The following SOS1 variants were observed in gnomAD, a reference collection of about 807,000 sequenced individuals.
The protein encoded by SOS1 is SOS Ras/Rac guanine nucleotide exchange factor 1, also known as son of sevenless homolog 1.
Under a neutral mutation model 157.6 loss-of-function variants are expected in SOS1, and 25 were observed. That is an observed-to-expected ratio of 0.16 (90% CI 0.12 to 0.22). SOS1 has a LOEUF of 0.22. SOS1 is among the 10% of genes least tolerant of loss of function. SOS1 has a pLI of 1.00. For missense variants in SOS1, 1,237 were observed against 1,599.1 expected, an observed-to-expected ratio of 0.77 and a Z score of 3.86; for synonymous variants, 528 against 534.0, an observed-to-expected ratio of 0.99 and a Z score of 0.16.
chr2:39,069,600 T>TG (rs1045895041), intron 1 of SOS1, among the ~76,000 whole-genome samples: 1 of 151,910 alleles, frequency 6.6e-6, no homozygotes, highest in Non-Finnish European at 1.5e-5. Context: ...CAGGCTGGAG[T>TG]GCAGTGGTGT....
chr2:39,106,553 T>G (rs1193944710), intron 1 of SOS1, among the ~76,000 whole-genome samples: 1 of 139,498 alleles, frequency 7.2e-6, no homozygotes, highest in Non-Finnish European at 1.5e-5. Context: ...ATCCCGCCAC[T>G]GCACTCCAGC....
At chr2:39,094,976 C>A (rs899857702) in intron 1 of SOS1, among the ~76,000 whole-genome samples, 1 of 152,112 alleles carries the variant, frequency 6.6e-6, no homozygotes, top group East Asian at 1.9e-4. Flanking sequence ...CACTGAGCCA[C>A]AATATATAAT....
chr2:39,069,396 A>G (rs1302569976), intron 1 of SOS1, among the ~76,000 whole-genome samples: 1 of 151,904 alleles, frequency 6.6e-6, no homozygotes, highest in Non-Finnish European at 1.5e-5. Flanking sequence ...ACAATAAAAG[A>G]TAGTATCCTA....
In SOS1 at chr2:39,021,499, G is replaced by T. The variant is rs1012224058; in HGVS notation, c.1858+1071C>A. Among the ~76,000 whole-genome samples the T allele has an allele frequency of 4.7e-5, 6 of 128,010 alleles. No individual in the cohort carries two copies. The East Asian group carries it at 1.5e-3, about 31-fold the overall frequency. The allele number at this position is 128,010 out of a possible 152,430, so 84.0% of individuals were successfully genotyped here. Reference sequence around the variant, plus strand: ...TGACTTGTGACAGTAAACACTAGTAGTAAGTCTTCTTACAATGCTCTACAG... The same window carrying T: ...TGACTTGTGACAGTAAACACTAGTATTAAGTCTTCTTACAATGCTCTACAG... On this transcript the variant is annotated intron_variant, in intron 10 of 22. Transcript: ENST00000402219.
intron 8 of SOS1, among the ~76,000 whole-genome samples, chr2:39,030,033 G>A (rs947841172): frequency 9.2e-5 from 14 of 151,770 alleles, no homozygotes; most frequent in Admixed American, 4.6e-4. Flanking sequence ...TTAGCCAGGC[G>A]TGGTGGCATG....
intron 1 of SOS1, among the ~76,000 whole-genome samples, chr2:39,088,523 T>C (rs1672463123): frequency 6.6e-6 from 1 of 152,158 alleles, no homozygotes; most frequent in African/African-American, 2.4e-5. Flanking sequence ...ACCATTCTAC[T>C]TTCTGTCTCT....
intron 12 of SOS1, 149 bp downstream of exon 12, chr2:39,013,718 T>A: frequency 1.1e-6 from 1 of 886,120 alleles, no homozygotes; most frequent in Non-Finnish European, 1.9e-6. Flanking sequence ...AGGCTTATAC[T>A]ATAATTTCTG....
At position 39,033,792 on chromosome 2, in the gene SOS1, C is replaced by G. The variant is rs930331364; in HGVS notation, c.1074+1420G>C. ...GCTCAAGCAATCCTCCTGTCTTAGC[C>G]TCCCAAAGTGCTGGAACTACAGGCG... is the stretch of plus-strand genomic sequence containing the variant. On this transcript the variant is annotated intron_variant, in intron 8 of 22. Transcript: ENST00000402219. Among the ~76,000 whole-genome samples, 4 of 152,206 alleles carry G rather than the reference C, an allele frequency of 2.6e-5. No homozygotes were observed. In the East Asian group the frequency reaches 5.8e-4, roughly 22 times the overall value.
intron 6 of SOS1, among the ~76,000 whole-genome samples, chr2:39,050,402 C>T (rs1486244572): frequency 1.3e-5 from 2 of 152,096 alleles, no homozygotes; most frequent in Non-Finnish European, 1.5e-5. Flanking sequence ...TAATAATGCA[C>T]TTATCACATA....
At chr2:39,018,305 T>C (rs538522864) in intron 10 of SOS1, among the ~76,000 whole-genome samples, 1 of 151,980 alleles carries the variant, frequency 6.6e-6, no homozygotes, top group South Asian at 2.1e-4. Flanking sequence ...CAACCAAAAC[T>C]TTTTCTACAG....
intron 2 of SOS1, among the ~76,000 whole-genome samples, 195 bp from the exon 3 acceptor site, chr2:39,058,999 C>T (rs1037411926): frequency 6.6e-6 from 1 of 152,014 alleles, no homozygotes; most frequent in African/African-American, 2.4e-5. Context: ...CAATAAGAGA[C>T]TAAACATTCT....
At chr2:39,071,962 T>C (rs553841103) in intron 1 of SOS1, among the ~76,000 whole-genome samples, 1 of 152,052 alleles carries the variant, frequency 6.6e-6, no homozygotes, top group Non-Finnish European at 1.5e-5. Flanking sequence ...TCTAAGCTAT[T>C]TGAATTTCAA....
chr2:39,056,749 A>G lies in SOS1; in HGVS notation c.463T>C (p.Tyr155His). Residue 155 changes from tyrosine (Y) to histidine (H), a missense_variant, in exon 4 of 23, where the codon TAT (tyrosine) becomes CAT (histidine). Tyr to His is a moderately conservative substitution (Grantham distance 83, BLOSUM62 2). Coordinates refer to ENST00000402219, the MANE Select transcript of SOS1 (RefSeq NM_005633.4). ...VGNYVRNIRH[Y>H]EITKQDIKVA... The stretch of plus-strand genomic sequence containing the variant: ...TTAATATCTTGTTTTGTAATTTCAT[A>G]ATGCCGTATATTTCTTACATAATTC... 1 of 1,604,038 alleles carries G rather than the reference A, an allele frequency of 6.2e-7. No individual in the cohort carries two copies. Among genetic ancestry groups the G allele is most frequent in the South Asian group, 1.1e-5 (1 of 90,878 alleles).
intron 6 of SOS1, among the ~76,000 whole-genome samples, chr2:39,037,497 TGATA>T (rs879774505): frequency 3.9e-5 from 6 of 152,198 alleles, no homozygotes; most frequent in African/African-American, 1.2e-4. Flanking sequence ...CATTCTCCAC[TGATA>T]GATAACTGTT....
At position 39,120,541 on chromosome 2, in the gene SOS1, C is replaced by G; in HGVS notation, c.-119G>C. On this transcript the variant is annotated 5_prime_UTR_variant, in exon 1 of 23. Coordinates refer to ENST00000402219, the MANE Select transcript of SOS1 (RefSeq NM_005633.4). ...GCGGCCCCACCGGACGGCCCGGCCC[C>G]CTCCGGGCGCCGCGCAGCCGGGCTA... The G allele has an allele frequency of 5.6e-6, 6 of 1,076,380 alleles. No homozygotes were observed. Among genetic ancestry groups the G allele is most frequent in the Non-Finnish European group, 6.8e-6 (6 of 888,250 alleles). The allele number at this position is 1,076,380 out of a possible 1,614,324, so 66.7% of individuals were successfully genotyped here. A position where few individuals can be genotyped will look rare whatever the true frequency, so the allele number is the denominator to read the frequency against.
At chr2:39,016,343 T>A (rs981199725) in intron 10 of SOS1, among the ~76,000 whole-genome samples, 1 of 152,128 alleles carries the variant, frequency 6.6e-6, no homozygotes, top group African/African-American at 2.4e-5. Context: ...TAAAAGTAAT[T>A]TAAATACATA....
intron 1 of SOS1, among the ~76,000 whole-genome samples, chr2:39,107,008 C>A (rs1673217596): frequency 6.6e-6 from 1 of 152,070 alleles, no homozygotes; most frequent in South Asian, 2.1e-4. Context: ...TGATTAGCTA[C>A]TGAAGTAAAT....
Position 38,983,688 on chromosome 2 carries a change from A to G in SOS1, c.*2136T>C, listed in dbSNP as rs1176417530. On this transcript the variant is annotated 3_prime_UTR_variant, in exon 23 of 23. Coordinates refer to ENST00000402219, the MANE Select transcript of SOS1 (RefSeq NM_005633.4). ...GGGCAATTAAAAAGAGAAGTAATCC[A>G]TGAGACATAAAAAGAGAAATCTTAG... The G allele has an allele frequency of 6.6e-6, 1 of 152,222 alleles. No individual in the cohort carries two copies. The highest frequency in any genetic ancestry group is 2.1e-4 in the South Asian group (1 of 4,834). 9.4% of individuals were successfully genotyped at this position (152,222 alleles called of 1,614,324 possible). A position where few individuals can be genotyped will look rare whatever the true frequency, so the allele number is the denominator to read the frequency against.
At chr2:39,060,110 T>C (rs1671349539) in intron 2 of SOS1, among the ~76,000 whole-genome samples, 1 of 152,114 alleles carries the variant, frequency 6.6e-6, no homozygotes, top group Non-Finnish European at 1.5e-5. Flanking sequence ...TTTTTCCAAG[T>C]TTATTTTACA....
Sources: gnomAD v4.1 joint callset for allele counts (sites outside exome capture counted in the v4.1 genomes callset) on GRCh38, gnomAD v4.1.1 for gene constraint, MANE v1.5 for transcripts, NCBI Gene and HGNC (gene_info 2026-07-23, HGNC 2026-07-21) for gene names.